The following PCDH7 variants were observed in gnomAD, a reference collection of about 807,000 sequenced individuals.
PCDH7 encodes protocadherin 7.
A neutral mutation model predicts 58.9 loss-of-function variants in PCDH7; 17 were observed. That is an observed-to-expected ratio of 0.29 (90% CI 0.20 to 0.43). The LOEUF is 0.43. PCDH7 is among the 20% of genes least tolerant of loss of function. The pLI is 1.00. For synonymous variants in PCDH7, 664 were observed against 616.4 expected (o/e 1.08, Z -1.14); for missense variants, 1,274 against 1,441.0 (o/e 0.88, Z 1.88).
chr4:30,824,998 G>A (rs1728921228), intron 1 of PCDH7, among the ~76,000 whole-genome samples: 1 of 152,040 alleles, frequency 6.6e-6, no homozygotes, highest in African/African-American at 2.4e-5. Context: ...GATGTACAAG[G>A]CATATATAAA....
intron 1 of PCDH7, among the ~76,000 whole-genome samples, chr4:30,771,078 G>A (rs577988266): frequency 6.6e-6 from 1 of 152,190 alleles, no homozygotes; most frequent in African/African-American, 2.4e-5. Context: ...ACATTTCCTT[G>A]ATAAAATAAG....
chr4:31,094,234 A>G (rs1464749405), intron 3 of PCDH7, among the ~76,000 whole-genome samples: 2 of 152,154 alleles, frequency 1.3e-5, no homozygotes, highest in Non-Finnish European at 2.9e-5. Context: ...AACCAATAGC[A>G]TCTTCAGGAC....
intron 3 of PCDH7, among the ~76,000 whole-genome samples, chr4:30,960,731 C>T (rs1198820333): frequency 3.3e-5 from 5 of 152,098 alleles, no homozygotes; most frequent in Non-Finnish European, 5.9e-5. Flanking sequence ...CAAATCAATT[C>T]TAGCTGTTAA....
At chr4:30,851,539 A>G (rs1002171027) in intron 1 of PCDH7, among the ~76,000 whole-genome samples, 1 of 152,024 alleles carries the variant, frequency 6.6e-6, no homozygotes, top group Non-Finnish European at 1.5e-5. Flanking sequence ...TTCAAGGTAA[A>G]TGAATGAAGA....
chr4:30,951,597 T>C (rs1000951090), intron 3 of PCDH7, among the ~76,000 whole-genome samples: 23 of 152,268 alleles, frequency 1.5e-4, no homozygotes, highest in African/African-American at 5.5e-4. Flanking sequence ...GTTTGGAAAA[T>C]TCACATACAA....
At chr4:30,849,547 G>A (rs1290929681) in intron 1 of PCDH7, among the ~76,000 whole-genome samples, 1 of 152,212 alleles carries the variant, frequency 6.6e-6, no homozygotes, top group East Asian at 1.9e-4. Flanking sequence ...CTATGAGTTA[G>A]GTTATTATGA....
At chr4:31,032,143 G>T (rs1318625561) in intron 3 of PCDH7, among the ~76,000 whole-genome samples, 1 of 152,140 alleles carries the variant, frequency 6.6e-6, no homozygotes, top group Non-Finnish European at 1.5e-5. Flanking sequence ...TAAGATCAGA[G>T]AAACTTTTTA....
chr4:31,069,365 C>G (rs915205020), intron 3 of PCDH7, among the ~76,000 whole-genome samples: 1 of 150,536 alleles, frequency 6.6e-6, no homozygotes, highest in Admixed American at 6.7e-5. Flanking sequence ...CTCCCTGGTG[C>G]CTCATGCCTC....
intron 1 of PCDH7, among the ~76,000 whole-genome samples, chr4:30,887,134 T>TA (rs1184944644): frequency 6.6e-5 from 10 of 151,944 alleles, no homozygotes; most frequent in African/African-American, 2.4e-4. Flanking sequence ...AGTATAATAA[T>TA]AATAAAAAAA....
intron 1 of PCDH7, among the ~76,000 whole-genome samples, chr4:30,840,638 G>A (rs1303188136): frequency 6.6e-6 from 1 of 152,004 alleles, no homozygotes; most frequent in African/African-American, 2.4e-5. Context: ...CTACGCAGAG[G>A]GCAAATTCTC....
At chr4:30,742,553 C>T (rs1717220174) in intron 1 of PCDH7, among the ~76,000 whole-genome samples, 1 of 152,086 alleles carries the variant, frequency 6.6e-6, no homozygotes, top group South Asian at 2.1e-4. Flanking sequence ...TTTTAAGCTA[C>T]AGAGATGCTG....
At chr4:30,975,390 A>G (rs1401904526) in intron 3 of PCDH7, among the ~76,000 whole-genome samples, 1 of 152,124 alleles carries the variant, frequency 6.6e-6, no homozygotes, top group Non-Finnish European at 1.5e-5. Context: ...CTCCTTCATG[A>G]CTAATATAAT....
intron 3 of PCDH7, among the ~76,000 whole-genome samples, chr4:31,063,781 G>A (rs1416553736): frequency 6.6e-6 from 1 of 151,908 alleles, no homozygotes; most frequent in Non-Finnish European, 1.5e-5. Context: ...ACAGGTGTTA[G>A]ATATTGACAT....
chr4:30,743,139 A>G (rs1283821931), intron 1 of PCDH7, among the ~76,000 whole-genome samples: 1 of 152,206 alleles, frequency 6.6e-6, no homozygotes, highest in African/African-American at 2.4e-5. Flanking sequence ...ATAAACAAAA[A>G]TAAAATAATG....
chr4:30,879,378 G>C (rs946290917), intron 1 of PCDH7, among the ~76,000 whole-genome samples: 1 of 151,982 alleles, frequency 6.6e-6, no homozygotes, highest in Non-Finnish European at 1.5e-5. Flanking sequence ...TGTGCATTAA[G>C]AGGAAATTCT....
chr4:30,775,312 C>G (rs1047779837), intron 1 of PCDH7, among the ~76,000 whole-genome samples: 26 of 152,004 alleles, frequency 1.7e-4, no homozygotes, highest in African/African-American at 5.8e-4. Flanking sequence ...TTTCAGCAAG[C>G]ATTATGTAAT....
intron 3 of PCDH7, among the ~76,000 whole-genome samples, chr4:31,121,557 T>C (rs1553855763): frequency 6.6e-6 from 1 of 152,224 alleles, no homozygotes; most frequent in Non-Finnish European, 1.5e-5. Context: ...GGACTTTTTA[T>C]GTTCCTGTAT....
At chr4:30,841,485 T>C (rs1167138851) in intron 1 of PCDH7, among the ~76,000 whole-genome samples, 2 of 152,188 alleles carry the variant, frequency 1.3e-5, no homozygotes, top group Admixed American at 6.5e-5. Flanking sequence ...TTTGATATGA[T>C]GTTTTAGTTT....
intron 3 of PCDH7, among the ~76,000 whole-genome samples, chr4:30,964,559 G>T (rs563141230): frequency 6.6e-6 from 1 of 151,858 alleles, no homozygotes; most frequent in African/African-American, 2.4e-5. Flanking sequence ...TTATTTATTT[G>T]GGGACTTACT....
Sources: allele counts gnomAD v4.1 joint callset (sites outside exome capture counted in the v4.1 genomes callset), GRCh38; gene constraint gnomAD v4.1.1; transcripts MANE v1.5; gene names NCBI Gene and HGNC (gene_info 2026-07-23, HGNC 2026-07-21).